Variants in SVOP observed in about 807,000 individuals in gnomAD.
The protein encoded by SVOP is SV2 related protein.
Under a neutral mutation model 69.1 loss-of-function variants are expected in SVOP, and 17 were observed. That is an observed-to-expected ratio of 0.25 (90% confidence interval 0.17 to 0.37). The LOEUF (loss-of-function observed/expected upper bound fraction) is 0.37. Among genes scored for constraint, SVOP ranks in the 10% least tolerant of loss-of-function variants. The pLI is 1.00. For synonymous variants in SVOP, 238 were observed against 238.6 expected, an observed-to-expected ratio of 1.00 and a Z score of 0.02; for missense variants, 435 against 597.5, an observed-to-expected ratio of 0.73 and a Z score of 2.84.
At chr12:109,004,856 T>C in intron 1 of SVOP, among the ~76,000 whole-genome samples, 1 of 151,824 alleles carries the variant, frequency 6.6e-6, no homozygotes, top group Non-Finnish European at 1.5e-5. Context: ...TCCTGCCTCA[T>C]CCCCCCGAGT....
intron 15 of SVOP, among the ~76,000 whole-genome samples, chr12:108,913,624 TG>T (rs2039698388): frequency 6.6e-6 from 1 of 152,172 alleles, no homozygotes; most frequent in South Asian, 2.1e-4. Flanking sequence ...TTTTGGCACA[TG>T]GCAAACAACA....
At chr12:108,942,049 A>G (rs2039894531) in intron 7 of SVOP, among the ~76,000 whole-genome samples, 1 of 152,182 alleles carries the variant, frequency 6.6e-6, no homozygotes, top group Non-Finnish European at 1.5e-5. Flanking sequence ...TTTCGTCTCT[A>G]TGAATTTGAT....
chr12:108,988,159 A>G (rs1345592729), intron 1 of SVOP, among the ~76,000 whole-genome samples: 1 of 152,018 alleles, frequency 6.6e-6, no homozygotes, highest in Admixed American at 6.6e-5. Flanking sequence ...TCCTGAGCTA[A>G]AGCGATCTAC....
At chr12:108,980,986 C>A (rs1449412677) in intron 2 of SVOP, among the ~76,000 whole-genome samples, 1 of 152,172 alleles carries the variant, frequency 6.6e-6, no homozygotes, top group African/African-American at 2.4e-5. Flanking sequence ...CCGAGGATCT[C>A]ATCAGCCCCT....
At chr12:108,917,997 T>C in intron 14 of SVOP, 46 bp downstream of exon 14, 2 of 1,453,586 alleles carry the variant, frequency 1.4e-6, no homozygotes, top group Admixed American at 2.3e-5. Context: ...ACAGCCACTC[T>C]CCCCCCACTG....
intron 2 of SVOP, among the ~76,000 whole-genome samples, chr12:108,981,427 T>C (rs2040134664): frequency 6.6e-6 from 1 of 152,206 alleles, no homozygotes; most frequent in Non-Finnish European, 1.5e-5. Context: ...TAGTCCTCTC[T>C]TAGATTTGGA....
chr12:109,014,705 T>G (rs1451013920), intron 1 of SVOP, among the ~76,000 whole-genome samples: 1 of 152,128 alleles, frequency 6.6e-6, no homozygotes, highest in Non-Finnish European at 1.5e-5. Context: ...CAACATTTGT[T>G]ATTTTCTGAT....
chr12:108,950,516 G>A (rs1157448576), intron 6 of SVOP, among the ~76,000 whole-genome samples: 1 of 152,150 alleles, frequency 6.6e-6, no homozygotes, highest in Non-Finnish European at 1.5e-5. Flanking sequence ...CTGAGTAGCT[G>A]GGACTACAGG....
At position 108,912,121 on chromosome 12, in the gene SVOP, C is replaced by G; in HGVS notation, c.*414G>C. The G allele has an allele frequency of 1.0e-6, 1 of 971,710 alleles. No individual in the cohort carries two copies. The highest frequency in any genetic ancestry group is 1.2e-6 in the Non-Finnish European group (1 of 806,820). 60.2% of individuals were successfully genotyped at this position (971,710 alleles called of 1,614,324 possible). A position where few individuals can be genotyped will look rare whatever the true frequency, so the allele number is the denominator to read the frequency against. On this transcript the variant is annotated 3_prime_UTR_variant, in exon 16 of 16. Coordinates refer to ENST00000610966, the MANE Select transcript of SVOP (RefSeq NM_018711.5). ...GTGAGTGTGGGAGAAACCTACTGAA[C>G]AGGTCCGGTGGGTGGACAGCAGGTG...
At chr12:108,949,564 C>T (rs556353633) in intron 6 of SVOP, among the ~76,000 whole-genome samples, 1 of 152,250 alleles carries the variant, frequency 6.6e-6, no homozygotes, top group Admixed American at 6.5e-5. Context: ...GCTACTGTGC[C>T]TGGCCTGCAA....
chr12:108,915,897 G>A (rs747589844), intron 14 of SVOP, 25 bp from the exon 15 acceptor site: 8 of 1,565,476 alleles, frequency 5.1e-6, no homozygotes, highest in Middle Eastern at 3.4e-4. Context: ...CCGGATATAG[G>A]CATGGGGACA....
intron 6 of SVOP, among the ~76,000 whole-genome samples, chr12:108,952,082 G>T (rs1429079216): frequency 6.6e-6 from 1 of 152,152 alleles, no homozygotes; most frequent in Non-Finnish European, 1.5e-5. Context: ...GAAGACACAT[G>T]AGCAAGTCCC....
intron 1 of SVOP, among the ~76,000 whole-genome samples, chr12:108,994,527 C>G (rs2040220777): frequency 6.6e-6 from 1 of 152,014 alleles, no homozygotes; most frequent in African/African-American, 2.4e-5. Context: ...TGATATGGAC[C>G]ATTAGTTTGC....
intron 2 of SVOP, among the ~76,000 whole-genome samples, chr12:108,980,969 G>T (rs2040132488): frequency 1.3e-5 from 2 of 152,286 alleles, no homozygotes; most frequent in African/African-American, 2.4e-5. Flanking sequence ...GGCCCCGTGG[G>T]TGACCTCCGA....
Position 108,959,010 on chromosome 12 carries a change from A to G in SVOP, c.578+1913T>C, listed in dbSNP as rs368251908. ...AGTAACCACCTGCACAGTAATCTCC[A>G]TCTCAAAGTCTATTCCCCAGGATCC... On this transcript the variant is annotated intron_variant, in intron 6 of 15. Coordinates refer to ENST00000610966, the MANE Select transcript of SVOP (RefSeq NM_018711.5). Among the ~76,000 whole-genome samples, 22 of 152,126 alleles carry G rather than the reference A, an allele frequency of 1.4e-4. 3 individuals are homozygous for G. The highest frequency in any genetic ancestry group is 7.7e-4 in the East Asian group (4 of 5,172).
chr12:108,915,705 AGTCGGCAT>A, intron 15 of SVOP, 70 bp downstream of exon 15: 1 of 1,426,212 alleles, frequency 7.0e-7, no homozygotes, highest in African/African-American at 1.4e-5. Context: ...CTCTGGGGAC[AGTCGGCAT>A]GTAGTAACTG....
At chr12:109,005,346 C>T (rs1177869266) in intron 1 of SVOP, among the ~76,000 whole-genome samples, 1 of 152,142 alleles carries the variant, frequency 6.6e-6, no homozygotes, top group Admixed American at 6.6e-5. Flanking sequence ...ATGGTAATTC[C>T]TACCTCACAG....
intron 1 of SVOP, among the ~76,000 whole-genome samples, chr12:109,006,370 T>G (rs536340471): frequency 6.6e-6 from 1 of 152,164 alleles, no homozygotes; most frequent in African/African-American, 2.4e-5. Flanking sequence ...GTTTCTTAAA[T>G]ATAGGTTTTA....
chr12:108,970,814 A>T (rs970336124), intron 5 of SVOP, among the ~76,000 whole-genome samples: 16 of 152,054 alleles, frequency 1.1e-4, no homozygotes, highest in Non-Finnish European at 2.9e-5. Context: ...CAGGAGTTTG[A>T]GACCAGCCTG....
Sources: allele counts gnomAD v4.1 joint callset (sites outside exome capture counted in the v4.1 genomes callset), GRCh38; gene constraint gnomAD v4.1.1; transcripts MANE v1.5; gene names NCBI Gene and HGNC (gene_info 2026-07-23, HGNC 2026-07-21).